Variants in GRM7 observed in about 807,000 individuals in gnomAD.
The protein encoded by GRM7 is metabotropic glutamate receptor 7.
Under a neutral mutation model 84.5 loss-of-function variants are expected in GRM7, and 35 were observed. The ratio of observed to expected loss-of-function variants is 0.41; its 90% CI spans 0.32 to 0.55. GRM7 has a LOEUF of 0.55. Ranked by LOEUF, GRM7 falls within the 20% of genes least tolerant of loss-of-function variation. The pLI is 0.19. For missense variants in GRM7, 1,003 were observed against 1,194.6 expected, an observed-to-expected ratio of 0.84 and a Z score of 2.36; for synonymous variants, 487 against 455.1, an observed-to-expected ratio of 1.07 and a Z score of -0.89.
chr3:7,115,425 C>T (rs1462233074), intron 1 of GRM7, among the ~76,000 whole-genome samples: 2 of 152,078 alleles, frequency 1.3e-5, no homozygotes, highest in Non-Finnish European at 2.9e-5. Context: ...TTTCTCAAAT[C>T]CCCCTTTTCC....
intron 7 of GRM7, among the ~76,000 whole-genome samples, chr3:7,462,114 A>G (rs1698273136): frequency 1.3e-5 from 2 of 151,738 alleles, no homozygotes; most frequent in Admixed American, 1.3e-4. Flanking sequence ...TTATTTTGAG[A>G]CATTTGAGTG....
At position 7,103,790 on chromosome 3, in the gene GRM7, CTT is replaced by C. The variant is rs1559443484; in HGVS notation, c.520-42660_520-42659del. ...TCTTTCTTTCTTTCTTTCTTTCTTTCTTTCTTTCTTTCTTTCTTTCTTTCTTT... is the reference window on the plus strand; with the variant it reads ...TCTTTCTTTCTTTCTTTCTTTCTTTCTCTTTCTTTCTTTCTTTCTTTCTTT... On this transcript the variant is annotated intron_variant, in intron 1 of 9. Transcript: ENST00000357716. 6.2e-4 allele frequency among the ~76,000 whole-genome samples: 69 copies of C among 111,490 alleles called. 1 individual carries two copies. The highest frequency in any genetic ancestry group is 2.2e-4 in the Non-Finnish European group (13 of 57,984). The allele number at this position is 111,490 out of a possible 152,430, so 73.1% of individuals were successfully genotyped here. A position where few individuals can be genotyped will look rare whatever the true frequency, so the allele number is the denominator to read the frequency against.
intron 7 of GRM7, among the ~76,000 whole-genome samples, chr3:7,465,189 T>C (rs1480138166): frequency 6.6e-6 from 1 of 152,152 alleles, no homozygotes; most frequent in Non-Finnish European, 1.5e-5. Flanking sequence ...TTTGTCATGC[T>C]AAGAGTGATG....
chr3:7,124,463 A>T (rs944132020), intron 1 of GRM7, among the ~76,000 whole-genome samples: 30 of 152,262 alleles, frequency 2.0e-4, no homozygotes, highest in African/African-American at 7.0e-4. Flanking sequence ...CTGAGATCGC[A>T]CCATTGCGCT....
At chr3:7,162,706 A>G (rs1311997478) in intron 2 of GRM7, among the ~76,000 whole-genome samples, 3 of 128,534 alleles carry the variant, frequency 2.3e-5, no homozygotes, top group African/African-American at 8.7e-5. Flanking sequence ...TCTACTTGCA[A>G]TCTCCCATTA....
chr3:7,489,688 AC>A (rs1699451225), intron 7 of GRM7, among the ~76,000 whole-genome samples: 1 of 152,132 alleles, frequency 6.6e-6, no homozygotes, highest in Admixed American at 6.6e-5. Flanking sequence ...TGCTTACAAT[AC>A]AATATTATAC....
At chr3:7,250,764 T>C (rs1282869651) in intron 2 of GRM7, among the ~76,000 whole-genome samples, 3 of 152,158 alleles carry the variant, frequency 2.0e-5, no homozygotes, top group Non-Finnish European at 4.4e-5. Context: ...CCTCAAGTGA[T>C]CCACCCACCT....
At chr3:7,716,676 A>T (rs1701781456) in intron 9 of GRM7, among the ~76,000 whole-genome samples, 1 of 152,212 alleles carries the variant, frequency 6.6e-6, no homozygotes, top group Admixed American at 6.5e-5. Flanking sequence ...CATGGGTTGA[A>T]TGATGCTGCT....
At chr3:7,072,698 T>TA (rs984401551) in intron 1 of GRM7, among the ~76,000 whole-genome samples, 9 of 151,540 alleles carry the variant, frequency 5.9e-5, no homozygotes, top group Admixed American at 3.9e-4. Context: ...AAAAAATAAT[T>TA]AAAAAAAATA....
intron 2 of GRM7, among the ~76,000 whole-genome samples, chr3:7,226,717 A>G (rs993994224): frequency 1.3e-5 from 2 of 152,062 alleles, no homozygotes; most frequent in Non-Finnish European, 2.9e-5. Flanking sequence ...AATAAATCAA[A>G]CTTCCTTCCC....
At chr3:7,257,379 G>T (rs1348642649) in intron 2 of GRM7, among the ~76,000 whole-genome samples, 1 of 152,122 alleles carries the variant, frequency 6.6e-6, no homozygotes, top group African/African-American at 2.4e-5. Flanking sequence ...AAGCAATTTA[G>T]AGTTTTAAGA....
At chr3:7,310,806 T>C (rs1416290674) in intron 4 of GRM7, among the ~76,000 whole-genome samples, 2 of 152,164 alleles carry the variant, frequency 1.3e-5, no homozygotes, top group Non-Finnish European at 2.9e-5. Flanking sequence ...CCACTTTTTA[T>C]GGTTTCTGAG....
At chr3:7,278,711 G>A (rs1699157636) in intron 2 of GRM7, among the ~76,000 whole-genome samples, 1 of 152,130 alleles carries the variant, frequency 6.6e-6, no homozygotes, top group Non-Finnish European at 1.5e-5. Flanking sequence ...ATATGAGCAA[G>A]TTCAGAAATT....
At chr3:7,469,689 G>A (rs1481038046) in intron 7 of GRM7, among the ~76,000 whole-genome samples, 4 of 152,170 alleles carry the variant, frequency 2.6e-5, no homozygotes, top group South Asian at 2.1e-4. Context: ...GAACCAGGAT[G>A]AGGAAGGTCT....
intron 1 of GRM7, among the ~76,000 whole-genome samples, chr3:6,986,809 G>A (rs769505236): frequency 1.1e-4 from 16 of 152,094 alleles, no homozygotes; most frequent in Non-Finnish European, 2.1e-4. Flanking sequence ...CCAGCACTCT[G>A]CCCCTCACTT....
chr3:7,668,776 C>T (rs932487833), intron 8 of GRM7, among the ~76,000 whole-genome samples: 4 of 152,192 alleles, frequency 2.6e-5, no homozygotes, highest in African/African-American at 7.2e-5. Context: ...TGAGTGACTT[C>T]GAATTTTGCA....
chr3:7,575,944 T>C lies in GRM7; in HGVS notation c.1516-2478T>C, dbSNP rs73116071. On this transcript the variant is annotated intron_variant, in intron 7 of 9. Transcript: ENST00000357716. ...AGTTGGCAGCATTTTAAACTGGCTG[T>C]AAAGTATTACATATGATGATAATTT... 6.7e-3 allele frequency among the ~76,000 whole-genome samples: 1,021 copies of C among 152,332 alleles called. 12 individuals carry two copies. The highest frequency in any genetic ancestry group is 0.022 in the African/African-American group (900 of 41,576).
Position 7,103,745 on chromosome 3 carries a change from T to A in GRM7, c.520-42707T>A, listed in dbSNP as rs187257523. ...TTTTCTCTCTTTTTCTCTTTCTCTC[T>A]CTCCCTTTCTTTCTTTCTTTCTTTC... On this transcript the variant is annotated intron_variant, in intron 1 of 9. Transcript: ENST00000357716. 3.3e-3 allele frequency among the ~76,000 whole-genome samples: 451 copies of A among 136,306 alleles called. 1 individual carries two copies. Among genetic ancestry groups the A allele is most frequent in the South Asian group, 5.5e-3 (24 of 4,352 alleles). 89.4% of individuals were successfully genotyped at this position (136,306 alleles called of 152,430 possible). A position where few individuals can be genotyped will look rare whatever the true frequency, so the allele number is the denominator to read the frequency against.
At chr3:7,179,294 A>C (rs1695259291) in intron 2 of GRM7, among the ~76,000 whole-genome samples, 1 of 152,158 alleles carries the variant, frequency 6.6e-6, no homozygotes, top group Non-Finnish European at 1.5e-5. Flanking sequence ...GAAGCATCTA[A>C]AATATTTAAT....
Sources: allele counts gnomAD v4.1 joint callset (sites outside exome capture counted in the v4.1 genomes callset), GRCh38; gene constraint gnomAD v4.1.1; transcripts MANE v1.5; gene names NCBI Gene and HGNC (gene_info 2026-07-23, HGNC 2026-07-21).